The following PRKN variants were observed in gnomAD, a reference collection of about 807,000 sequenced individuals.
The protein encoded by PRKN is parkin RBR E3 ubiquitin protein ligase, also known as E3 ubiquitin-protein ligase parkin.
PRKN carries 56 observed loss-of-function variants against 59.5 expected under a neutral mutation model. That is an observed-to-expected ratio of 0.94 (90% CI 0.76 to 1.18). The LOEUF (loss-of-function observed/expected upper bound fraction) is 1.18. Among genes scored for constraint, PRKN ranks in the 50% most tolerant of loss-of-function variants. The pLI, the probability that PRKN is intolerant of heterozygous loss-of-function variation, is 0.00. For synonymous variants in PRKN, 250 were observed against 222.1 expected, an observed-to-expected ratio of 1.13 and a Z score of -1.12; for missense variants, 657 against 596.4, an observed-to-expected ratio of 1.10 and a Z score of -1.06.
intron 1 of PRKN, among the ~76,000 whole-genome samples, chr6:162,564,979 GT>G (rs1166929181): frequency 6.6e-6 from 1 of 152,004 alleles, no homozygotes; most frequent in African/African-American, 2.4e-5. Context: ...CAGTGTAACT[GT>G]GGTGTGTAAA....
At chr6:161,985,375 G>C (rs1250774385) in intron 5 of PRKN, among the ~76,000 whole-genome samples, 2 of 152,090 alleles carry the variant, frequency 1.3e-5, no homozygotes, top group Non-Finnish European at 2.9e-5. Flanking sequence ...TAAAATATCT[G>C]GTTGTTAACA....
intron 7 of PRKN, among the ~76,000 whole-genome samples, chr6:161,743,839 G>A (rs567352820): frequency 5.3e-5 from 8 of 152,142 alleles, no homozygotes; most frequent in Non-Finnish European, 1.0e-4. Context: ...ATAAATCATC[G>A]AGAAGTCTGG....
intron 4 of PRKN, among the ~76,000 whole-genome samples, chr6:162,064,735 T>C (rs1778253206): frequency 6.6e-6 from 1 of 152,222 alleles, no homozygotes; most frequent in African/African-American, 2.4e-5. Flanking sequence ...AAAATCTGTA[T>C]TTTCAAAGTT....
intron 2 of PRKN, among the ~76,000 whole-genome samples, chr6:162,435,275 A>G (rs1016315265): frequency 6.6e-6 from 1 of 152,168 alleles, no homozygotes; most frequent in Non-Finnish European, 1.5e-5. Context: ...GGAAACATCT[A>G]TGAGATGAGA....
chr6:162,619,719 C>T (rs1323213926), intron 1 of PRKN, among the ~76,000 whole-genome samples: 2 of 151,940 alleles, frequency 1.3e-5, no homozygotes, highest in Non-Finnish European at 2.9e-5. Flanking sequence ...CTCACACACA[C>T]ACACACACAC....
At chr6:162,309,791 A>G (rs979790176) in intron 2 of PRKN, among the ~76,000 whole-genome samples, 1 of 152,130 alleles carries the variant, frequency 6.6e-6, no homozygotes, top group Admixed American at 6.5e-5. Context: ...GTTTTGCTGT[A>G]CAGATTACTT....
At chr6:162,361,013 CT>C (rs767321939) in intron 2 of PRKN, among the ~76,000 whole-genome samples, 1 of 152,084 alleles carries the variant, frequency 6.6e-6, no homozygotes, top group Non-Finnish European at 1.5e-5. Flanking sequence ...TTAGAAGTGC[CT>C]TTTATCTTAA....
chr6:162,157,324 G>A (rs184044530), intron 4 of PRKN, among the ~76,000 whole-genome samples: 20 of 151,456 alleles, frequency 1.3e-4, no homozygotes, highest in Middle Eastern at 3.4e-3. Flanking sequence ...CACATGTAGT[G>A]CCTTCATGCC....
rs377408986 is a variant in PRKN at position 162,551,422 on chromosome 6, T to C, written c.8-107949A>G. ...GAGAATAACTCCTTTTCTCTAAATATACAGTTATTCAGAGATTTCTTTTGT... is the reference window on the plus strand; with the variant it reads ...GAGAATAACTCCTTTTCTCTAAATACACAGTTATTCAGAGATTTCTTTTGT... On this transcript the variant is annotated intron_variant, in intron 1 of 11. Coordinates refer to ENST00000366898, the MANE Select transcript of PRKN (RefSeq NM_004562.3). Among the ~76,000 whole-genome samples, 108 of 152,340 alleles carry C rather than the reference T, an allele frequency of 7.1e-4. No individual in the cohort carries two copies. In the East Asian group the frequency reaches 9.6e-3, roughly 14 times the overall value.
At chr6:162,663,463 A>G (rs947065356) in intron 1 of PRKN, among the ~76,000 whole-genome samples, 1 of 152,168 alleles carries the variant, frequency 6.6e-6, no homozygotes, top group African/African-American at 2.4e-5. Context: ...ACATCACTGT[A>G]AAGTTTAGTA....
chr6:162,417,220 G>A (rs975824996), intron 2 of PRKN, among the ~76,000 whole-genome samples: 2 of 152,294 alleles, frequency 1.3e-5, no homozygotes, highest in South Asian at 2.1e-4. Context: ...GTAAAAAGTC[G>A]TGACTTTTTT....
intron 3 of PRKN, among the ~76,000 whole-genome samples, chr6:162,227,878 G>A (rs190548766): frequency 8.6e-5 from 13 of 151,944 alleles, no homozygotes; most frequent in African/African-American, 3.1e-4. Flanking sequence ...GAAATTTGGG[G>A]GAAGTCCAAA....
rs11293379 is a variant in PRKN, at chr6:161,372,825, ATTT to A, written c.1168-12623_1168-12621del. 3.1e-4 allele frequency among the ~76,000 whole-genome samples: 36 copies of A among 114,396 alleles called. No homozygotes were observed. The highest frequency in any genetic ancestry group is 9.8e-4 in the African/African-American group (29 of 29,606). 75.0% of individuals were successfully genotyped at this position (114,396 alleles called of 152,430 possible). ...TGGTCAACAAAGACAGAGAGACCCT[ATTT>A]TTTTTTTTTTTTTTTTTTTGAGACA... On this transcript the variant is annotated intron_variant, in intron 10 of 11. Coordinates refer to ENST00000366898, the MANE Select transcript of PRKN (RefSeq NM_004562.3). The surrounding 1 kb of genome is among the most constrained non-coding windows in gnomAD (Gnocchi z 4.2).
chr6:161,652,554 G>A (rs1176629314), intron 7 of PRKN, among the ~76,000 whole-genome samples: 4 of 152,160 alleles, frequency 2.6e-5, no homozygotes, highest in Non-Finnish European at 5.9e-5. Flanking sequence ...TTAAACTACA[G>A]TCCAATGTGT....
rs995363983 is a variant in PRKN, at chr6:161,550,388, A to T, written c.934-1385T>A. Among the ~76,000 whole-genome samples, 11 of 152,122 alleles carry T rather than the reference A, an allele frequency of 7.2e-5. No homozygotes were observed. The highest frequency in any genetic ancestry group is 2.7e-4 in the African/African-American group (11 of 41,410). ...TTTGACTAATATTTTAAAGACATCC[A>T]CCTGGCTGCTATGTTCGGAATACCC... On this transcript the variant is annotated intron_variant, in intron 8 of 11. Transcript: ENST00000366898. The surrounding 1 kb of genome is among the most constrained non-coding windows in gnomAD (Gnocchi z 4.0).
intron 2 of PRKN, among the ~76,000 whole-genome samples, chr6:162,349,885 A>G (rs1172825280): frequency 6.6e-6 from 1 of 152,214 alleles, no homozygotes; most frequent in Non-Finnish European, 1.5e-5. Context: ...AGATAAACAA[A>G]AGACATCGAG....
At chr6:161,514,331 T>G (rs1309795588) in intron 9 of PRKN, among the ~76,000 whole-genome samples, 1 of 152,086 alleles carries the variant, frequency 6.6e-6, no homozygotes, top group African/African-American at 2.4e-5. Context: ...GGTCATGATC[T>G]TGAGAAACAA....
intron 1 of PRKN, among the ~76,000 whole-genome samples, chr6:162,534,355 C>A (rs1291009211): frequency 1.3e-5 from 2 of 152,140 alleles, no homozygotes; most frequent in Non-Finnish European, 2.9e-5. Flanking sequence ...CTGCCATGAC[C>A]CTTTCATGAT....
chr6:162,060,470 A>C (rs528229089), intron 4 of PRKN, among the ~76,000 whole-genome samples: 1 of 152,360 alleles, frequency 6.6e-6, no homozygotes, highest in East Asian at 1.9e-4. Flanking sequence ...GAAATACAGA[A>C]AAATGACCCC....
Sources: gnomAD v4.1 joint callset for allele counts (sites outside exome capture counted in the v4.1 genomes callset) on GRCh38, gnomAD v4.1.1 for gene constraint, Gnocchi (gnomAD v3.1) non-coding constraint, MANE v1.5 for transcripts, NCBI Gene and HGNC (gene_info 2026-07-23, HGNC 2026-07-21) for gene names.